TP53BP1: variants seen among roughly 807,000 people sequenced by gnomAD.
TP53BP1 encodes TP53-binding protein 1.
TP53BP1 carries 61 observed loss-of-function variants against 200.8 expected under a neutral mutation model. The ratio of observed to expected loss-of-function variants is 0.30; its 90% CI spans 0.25 to 0.38. The LOEUF (loss-of-function observed/expected upper bound fraction) is 0.38. Among genes scored for constraint, TP53BP1 ranks in the 10% least tolerant of loss-of-function variants. The probability of loss-of-function intolerance (pLI) is 1.00; values close to 1 mark genes in which losing one functional copy is unlikely to be tolerated. For missense variants in TP53BP1, 2,144 were observed against 2,371.9 expected, an observed-to-expected ratio of 0.90 and a Z score of 2.00; for synonymous variants, 822 against 844.3, an observed-to-expected ratio of 0.97 and a Z score of 0.46.
chr15:43,412,610 T>G (rs1319492835), intron 24 of TP53BP1: 1 of 460,514 alleles, frequency 2.2e-6, no homozygotes, highest in South Asian at 1.6e-5. Flanking sequence ...TTCTTTGCAA[T>G]CACCCTGAGG....
chr15:43,407,909 G>A (rs946687107), intron 27 of TP53BP1, 34 bp downstream of exon 27: 2 of 1,593,196 alleles, frequency 1.3e-6, no homozygotes, highest in East Asian at 4.5e-5. Flanking sequence ...GGAGATCCCT[G>A]GAACAAAGAC....
chr15:43,457,307 A>G, intron 11 of TP53BP1, 89 bp from the exon 12 acceptor site: 1 of 1,207,654 alleles, frequency 8.3e-7, no homozygotes, highest in Non-Finnish European at 1.1e-6. Flanking sequence ...AAAATTTCTA[A>G]AATCAAATTT....
chr15:43,452,005 T>C (rs976595317), intron 12 of TP53BP1, among the ~76,000 whole-genome samples: 1 of 151,980 alleles, frequency 6.6e-6, no homozygotes, highest in Non-Finnish European at 1.5e-5. Context: ...CATGGTGACA[T>C]GTGCCTATAA....
chr15:43,442,670 G>A (rs910207796), intron 14 of TP53BP1, among the ~76,000 whole-genome samples: 7 of 151,006 alleles, frequency 4.6e-5, no homozygotes, highest in African/African-American at 1.7e-4. Flanking sequence ...GCTAATTTTT[G>A]TATTTTTAGT....
At chr15:43,460,844 G>C (rs1002978387) in intron 11 of TP53BP1, among the ~76,000 whole-genome samples, 4 of 149,410 alleles carry the variant, frequency 2.7e-5, no homozygotes, top group Non-Finnish European at 5.9e-5. Flanking sequence ...GCAACAAAGT[G>C]AGACCCTGTC....
intron 11 of TP53BP1, among the ~76,000 whole-genome samples, chr15:43,460,154 T>G (rs1208957609): frequency 6.6e-6 from 1 of 152,174 alleles, no homozygotes; most frequent in Non-Finnish European, 1.5e-5. Flanking sequence ...AATACAAAAC[T>G]TAGCTGTTTT....
chr15:43,447,594 C>T (rs760742603), intron 12 of TP53BP1, 109 bp from the exon 13 acceptor site: 1 of 1,101,716 alleles, frequency 9.1e-7, no homozygotes, highest in Non-Finnish European at 1.2e-6. Flanking sequence ...ATTTCAATCA[C>T]TCTTTTCCTT....
At chr15:43,469,059 A>G (rs1472343504) in intron 11 of TP53BP1, among the ~76,000 whole-genome samples, 1 of 152,192 alleles carries the variant, frequency 6.6e-6, no homozygotes, top group African/African-American at 2.4e-5. Context: ...AAGGGGTAAA[A>G]TAAGTTGTCC....
chr15:43,482,639 G>A (rs538385928), intron 4 of TP53BP1, among the ~76,000 whole-genome samples: 2 of 152,284 alleles, frequency 1.3e-5, no homozygotes, highest in South Asian at 2.1e-4. Flanking sequence ...GTGGTGGCAC[G>A]CACCTGTAGT....
intron 14 of TP53BP1, among the ~76,000 whole-genome samples, chr15:43,444,464 A>G (rs946857205): frequency 1.3e-5 from 2 of 152,184 alleles, no homozygotes; most frequent in Non-Finnish European, 2.9e-5. Flanking sequence ...ACCATGTAAT[A>G]CTTTAACTCA....
At chr15:43,422,737 T>TA (rs1183363705) in intron 18 of TP53BP1, among the ~76,000 whole-genome samples, 1 of 152,168 alleles carries the variant, frequency 6.6e-6, no homozygotes, top group Non-Finnish European at 1.5e-5. Flanking sequence ...CTCACGCCTG[T>TA]AATCCCAGCA....
chr15:43,452,932 C>T lies in TP53BP1; in HGVS notation c.2716+2960G>A, dbSNP rs557246954. On this transcript the variant is annotated intron_variant, in intron 12 of 27. Transcript: ENST00000382044. ...ACTCCAGGCCGGGCGCGGTGGCTCA[C>T]GCCTGTAATCCCAGCACTTTGGGAG... Among the ~76,000 whole-genome samples the T allele has an allele frequency of 8.7e-4, 133 of 152,252 alleles. 2 individuals carry two copies. In the East Asian group the frequency reaches 0.024, roughly 27 times the overall value.
At chr15:43,487,876 T>A (rs141305203) in intron 4 of TP53BP1, among the ~76,000 whole-genome samples, 40 of 151,976 alleles carry the variant, frequency 2.6e-4, no homozygotes, top group African/African-American at 9.7e-4. Context: ...AATGCAGATG[T>A]CCTTCAACAG....
chr15:43,407,139 A>C lies in TP53BP1; in HGVS notation c.*244T>G, dbSNP rs564488696. ...CTCCGTAAGTGAATAAGCCTGTTGA[A>C]AGACTCAGAGAAAGTACTATGTCTT... is the stretch of plus-strand genomic sequence containing the variant. On this transcript the variant is annotated 3_prime_UTR_variant, in exon 28 of 28. Transcript: ENST00000382044. 5.8e-4 allele frequency: 258 copies of C among 444,742 alleles called. 2 individuals are homozygous for C. Among genetic ancestry groups the C allele is most frequent in the South Asian group, 5.1e-3 (158 of 31,026 alleles). The allele number at this position is 444,742 out of a possible 1,614,324, so 27.5% of individuals were successfully genotyped here.
chr15:43,484,748 T>TG (rs1370309133), intron 4 of TP53BP1, among the ~76,000 whole-genome samples: 1 of 132,478 alleles, frequency 7.5e-6, no homozygotes, highest in African/African-American at 4.0e-5. Context: ...CACACTTACT[T>TG]GTTTTTTGTT....
At position 43,481,811 on chromosome 15, in the gene TP53BP1, C is replaced by T. The variant is rs1457714276; in HGVS notation, c.372-789G>A. 2.3e-3 allele frequency among the ~76,000 whole-genome samples: 235 copies of T among 100,028 alleles called. 2 individuals carry two copies. Among genetic ancestry groups the T allele is most frequent in the African/African-American group, 0.022 (228 of 10,474 alleles). The allele number at this position is 100,028 out of a possible 152,430, so 65.6% of individuals were successfully genotyped here. A position where few individuals can be genotyped will look rare whatever the true frequency, so the allele number is the denominator to read the frequency against. Reference sequence around the variant, plus strand: ...GCCTGGTGACAGAGCGAGACTCTGTCTCAAAAAAAAAAAAAAAAGAGAGAG... The same window carrying T: ...GCCTGGTGACAGAGCGAGACTCTGTTTCAAAAAAAAAAAAAAAAGAGAGAG... On this transcript the variant is annotated intron_variant, in intron 4 of 27. Transcript: ENST00000382044.
chr15:43,437,935 G>T (rs1271735735), intron 16 of TP53BP1, among the ~76,000 whole-genome samples: 1 of 152,200 alleles, frequency 6.6e-6, no homozygotes, highest in Non-Finnish European at 1.5e-5. Flanking sequence ...CATGGCACTA[G>T]CATCTAGACG....
chr15:43,404,679 G>C lies in TP53BP1; in HGVS notation c.*2704C>G. On this transcript the variant is annotated 3_prime_UTR_variant, in exon 28 of 28. Transcript: ENST00000382044. Reference sequence around the variant, plus strand: ...ATTTTATAAGTAAGGCTTAGAGATAGAGGTGTGACCATCTTTAATAATTTT... The same window carrying C: ...ATTTTATAAGTAAGGCTTAGAGATACAGGTGTGACCATCTTTAATAATTTT... The C allele has an allele frequency of 1.0e-6, 1 of 984,262 alleles. No individual in the cohort carries two copies. The highest frequency in any genetic ancestry group is 1.5e-6 in the Non-Finnish European group (1 of 671,904). The allele number at this position is 984,262 out of a possible 1,614,324, so 61.0% of individuals were successfully genotyped here.
At chr15:43,485,590 G>A (rs368344829) in intron 4 of TP53BP1, among the ~76,000 whole-genome samples, 1,348 of 32,702 alleles carry the variant, frequency 0.041, 13 homozygotes, top group Middle Eastern at 0.1. Context: ...AAAAAAAAAA[G>A]AAAGTACTTT....
Sources: gnomAD v4.1 joint callset for allele counts (sites outside exome capture counted in the v4.1 genomes callset) on GRCh38, gnomAD v4.1.1 for gene constraint, MANE v1.5 for transcripts, NCBI Gene and HGNC (gene_info 2026-07-23, HGNC 2026-07-21) for gene names.